The following PHF3 variants were observed in gnomAD, a reference collection of about 807,000 sequenced individuals.
The protein encoded by PHF3 is PHD finger protein 3.
PHF3 carries 41 observed loss-of-function variants against 178.4 expected under a neutral mutation model. The ratio of observed to expected loss-of-function variants is 0.23; its 90% CI spans 0.18 to 0.30. PHF3 has a LOEUF of 0.30. Ranked by LOEUF, PHF3 falls within the 10% of genes least tolerant of loss-of-function variation. The probability of loss-of-function intolerance (pLI) is 1.00; values close to 1 mark genes in which losing one functional copy is unlikely to be tolerated. For missense variants in PHF3, 2,346 were observed against 2,398.1 expected, an observed-to-expected ratio of 0.98 and a Z score of 0.45; for synonymous variants, 842 against 800.5, an observed-to-expected ratio of 1.05 and a Z score of -0.88.
intron 1 of PHF3, among the ~76,000 whole-genome samples, chr6:63,642,940 T>C (rs1014332040): frequency 1.3e-5 from 2 of 152,170 alleles, no homozygotes; most frequent in African/African-American, 2.4e-5. Context: ...TTTGTAATAA[T>C]TTTATATTTA....
intron 4 of PHF3, among the ~76,000 whole-genome samples, chr6:63,691,303 G>T (rs1422172071): frequency 1.3e-5 from 2 of 152,066 alleles, no homozygotes; most frequent in Non-Finnish European, 2.9e-5. Flanking sequence ...AATTTTATAT[G>T]TGATGTCACG....
chr6:63,659,164 A>G (rs938535686), intron 2 of PHF3, among the ~76,000 whole-genome samples: 2 of 152,186 alleles, frequency 1.3e-5, no homozygotes, highest in Admixed American at 1.3e-4. Context: ...AAAAAAGTTG[A>G]TGTGAGTTAA....
intron 2 of PHF3, among the ~76,000 whole-genome samples, chr6:63,658,448 T>C (rs974919865): frequency 1.3e-5 from 2 of 152,278 alleles, no homozygotes; most frequent in Middle Eastern, 3.4e-3. Flanking sequence ...GTACAAAGTC[T>C]GCCATATTGA....
Position 63,698,229 on chromosome 6 carries a change from A to T in PHF3, c.2687A>T (p.His896Leu). The change falls in exon 7 of 16, where the codon CAT becomes CTT. Residue 896 changes from histidine (H) to leucine (L), a missense_variant. By Grantham distance (99) the His-to-Leu change is moderately conservative (BLOSUM62 -3). Around this residue, in one of 8 missense-constraint regions of PHF3, gnomAD observed 252 missense variants for 232.0 expected, o/e 1.09. Coordinates refer to ENST00000262043, the MANE Select transcript of PHF3 (RefSeq NM_001370348.2). ...TGEKASKPGT[H>L]EKQEMKKKKV... ...CGATATTTATTCAAATTAGGTACTC[A>T]TGAGAAGCAAGAGATGAAAAAGAAG... 6.2e-7 allele frequency: 1 copy of T among 1,609,406 alleles called. No homozygotes were observed. The highest frequency in any genetic ancestry group is 8.5e-7 in the Non-Finnish European group (1 of 1,177,078).
chr6:63,650,821 C>T (rs1467472676), intron 2 of PHF3, among the ~76,000 whole-genome samples: 2 of 152,098 alleles, frequency 1.3e-5, no homozygotes, highest in Non-Finnish European at 2.9e-5. Context: ...TCTTGGACAG[C>T]ATTTCAATCA....
intron 4 of PHF3, among the ~76,000 whole-genome samples, chr6:63,690,642 G>C (rs766846768): frequency 6.6e-6 from 1 of 151,942 alleles, no homozygotes; most frequent in Admixed American, 6.6e-5. Context: ...TCAGTAGCAC[G>C]GTCTTTAGAT....
intron 4 of PHF3, among the ~76,000 whole-genome samples, chr6:63,690,693 G>A (rs1766958340): frequency 6.6e-6 from 1 of 152,130 alleles, no homozygotes; most frequent in South Asian, 2.1e-4. Flanking sequence ...TCTTTCAGCT[G>A]TATCATAAAT....
At chr6:63,695,911 TCGAG>T (rs1767211192) in intron 6 of PHF3, among the ~76,000 whole-genome samples, 5 of 152,194 alleles carry the variant, frequency 3.3e-5, no homozygotes, top group Non-Finnish European at 7.3e-5. Flanking sequence ...CTATTAGACA[TCGAG>T]ATGGAAATGT....
rs913403416 is a variant in PHF3 at position 63,715,321 on chromosome 6, T to C, written c.*1613T>C. ...GTTTAACTTTGGTCCACTTTTCTTT[T>C]GGAAATTAACTTGTTAGAAAACAAA... On this transcript the variant is annotated 3_prime_UTR_variant, in exon 16 of 16. Coordinates refer to ENST00000262043, the MANE Select transcript of PHF3 (RefSeq NM_001370348.2). The C allele has an allele frequency of 1.3e-5, 2 of 152,170 alleles. No homozygotes were observed. Among genetic ancestry groups the C allele is most frequent in the Non-Finnish European group, 2.9e-5 (2 of 68,018 alleles). 9.4% of individuals were successfully genotyped at this position (152,170 alleles called of 1,614,324 possible). A position where few individuals can be genotyped will look rare whatever the true frequency, so the allele number is the denominator to read the frequency against.
chr6:63,674,963 A>T (rs976984547), intron 2 of PHF3, among the ~76,000 whole-genome samples: 3 of 152,200 alleles, frequency 2.0e-5, no homozygotes, highest in African/African-American at 7.2e-5. Context: ...GAGCAGTGCA[A>T]TAAATTTAAC....
Position 63,640,886 on chromosome 6 carries a change from A to G in PHF3, c.-26+4736A>G, listed in dbSNP as rs192189025. Among the ~76,000 whole-genome samples, 15 of 152,290 alleles carry G rather than the reference A, an allele frequency of 9.8e-5. No individual in the cohort carries two copies. In the East Asian group the frequency reaches 2.7e-3, roughly 27 times the overall value. On this transcript the variant is annotated intron_variant, in intron 1 of 15. Transcript: ENST00000262043. ...GTGTGTGGGGCTGTCCTAGTGCATT[A>G]TAGTATGTTTACTAGATGCAAATAG...
chr6:63,637,652 A>T (rs1764402293), intron 1 of PHF3, among the ~76,000 whole-genome samples: 1 of 151,850 alleles, frequency 6.6e-6, no homozygotes, highest in South Asian at 2.1e-4. Flanking sequence ...CATCGTCATT[A>T]TCACTGTTAT....
intron 2 of PHF3, among the ~76,000 whole-genome samples, chr6:63,664,124 C>T (rs1485439596): frequency 6.6e-6 from 1 of 152,166 alleles, no homozygotes; most frequent in Non-Finnish European, 1.5e-5. Context: ...GTTTCAAGTA[C>T]AATTTCTATA....
chr6:63,698,349 A>C lies in PHF3; in HGVS notation c.2807A>C (p.Lys936Thr). 6.2e-7 allele frequency: 1 copy of C among 1,610,702 alleles called. No individual in the cohort carries two copies. The highest frequency in any genetic ancestry group is 8.5e-7 in the Non-Finnish European group (1 of 1,178,182). The change falls in exon 7 of 16, where the codon AAA becomes ACA. Residue 936 changes from lysine (K) to threonine (T), a missense_variant. Lys to Thr is a moderately conservative substitution (Grantham distance 78). This residue lies in a region of PHF3 where 252 missense variants were observed against 232.0 expected (regional missense o/e 1.09). Transcript: ENST00000262043. ...AGGCAAAGTGTCAGACATTCTCTCA[A>C]AGACATTCTTATGAAGAGGTAACAT... The part of the protein sequence containing the change: ...QIRQSVRHSL[K>T]DILMKRLTDS...
At chr6:63,645,907 C>A (rs1391990813) in intron 1 of PHF3, among the ~76,000 whole-genome samples, 3 of 151,886 alleles carry the variant, frequency 2.0e-5, no homozygotes, top group Non-Finnish European at 4.4e-5. Flanking sequence ...TTGTGCACAT[C>A]TTTGTGTGTG....
intron 2 of PHF3, among the ~76,000 whole-genome samples, chr6:63,670,255 GTTTTTTGT>G (rs1008686403): frequency 7.9e-5 from 12 of 151,886 alleles, no homozygotes; most frequent in African/African-American, 2.7e-4. Context: ...GAGTAGAGGT[GTTTTTTGT>G]TTTTTTGTTT....
intron 2 of PHF3, among the ~76,000 whole-genome samples, chr6:63,667,739 T>A (rs1288089179): frequency 6.6e-6 from 1 of 152,220 alleles, no homozygotes; most frequent in Non-Finnish European, 1.5e-5. Flanking sequence ...TTTGAACAGG[T>A]AAGACCAAAT....
At chr6:63,709,404 G>A (rs756084030) in intron 14 of PHF3, among the ~76,000 whole-genome samples, 164 bp downstream of exon 14, 13 of 151,846 alleles carry the variant, frequency 8.6e-5, no homozygotes, top group Non-Finnish European at 1.3e-4. Flanking sequence ...CATTTGCTGA[G>A]GCTGTCAACA....
chr6:63,674,790 A>C (rs1465472824), intron 2 of PHF3, among the ~76,000 whole-genome samples: 2 of 152,174 alleles, frequency 1.3e-5, no homozygotes, highest in Non-Finnish European at 1.5e-5. Context: ...ACTTTGTAAT[A>C]GAGGAAATAA....
Sources: allele counts gnomAD v4.1 joint callset (sites outside exome capture counted in the v4.1 genomes callset), GRCh38; gene constraint gnomAD v4.1.1; regional missense constraint gnomAD v4.1.1; transcripts MANE v1.5; gene names NCBI Gene and HGNC (gene_info 2026-07-23, HGNC 2026-07-21).